Variants in MYO16 observed in about 807,000 individuals in gnomAD.
MYO16 encodes the protein myosin XVI, also known as unconventional myosin-XVI.
A neutral mutation model predicts 205.3 loss-of-function variants in MYO16; 94 were observed. That is an observed-to-expected ratio of 0.46 (90% CI 0.39 to 0.54). The LOEUF (loss-of-function observed/expected upper bound fraction) is 0.54. Among genes scored for constraint, MYO16 ranks in the 20% least tolerant of loss-of-function variants. The pLI is 0.00. For missense variants in MYO16, 2,315 were observed against 2,387.5 expected (o/e 0.97, Z 0.63); for synonymous variants, 988 against 954.0 (o/e 1.04, Z -0.66).
intron 32 of MYO16, among the ~76,000 whole-genome samples, chr13:109,149,859 C>G (rs952913319): frequency 4.6e-5 from 7 of 152,210 alleles, no homozygotes; most frequent in African/African-American, 1.4e-4. Flanking sequence ...TGTCTCCTCA[C>G]TTTCCGTTTC....
intron 4 of MYO16, among the ~76,000 whole-genome samples, chr13:108,728,095 A>T (rs747798333): frequency 2.0e-5 from 3 of 152,196 alleles, no homozygotes; most frequent in Non-Finnish European, 4.4e-5. Flanking sequence ...TGATCCTCAC[A>T]CATACTTTAT....
intron 1 of MYO16, among the ~76,000 whole-genome samples, chr13:108,604,086 C>G (rs992696097): frequency 6.6e-6 from 1 of 152,008 alleles, no homozygotes; most frequent in African/African-American, 2.4e-5. Context: ...GGAGGAAAAG[C>G]CCCTTCTAAA....
chr13:109,106,122 T>A (rs1211473798), intron 28 of MYO16, among the ~76,000 whole-genome samples: 1 of 152,242 alleles, frequency 6.6e-6, no homozygotes, highest in Non-Finnish European at 1.5e-5. Flanking sequence ...CATGACTAAC[T>A]TCTAGTGCTG....
intron 27 of MYO16, among the ~76,000 whole-genome samples, chr13:109,086,089 T>C (rs1021173315): frequency 1.3e-5 from 2 of 152,132 alleles, no homozygotes; most frequent in African/African-American, 2.4e-5. Context: ...AAAATTTATC[T>C]GTGCTGCCCA....
intron 1 of MYO16, among the ~76,000 whole-genome samples, chr13:108,597,649 T>A (rs1319549275): frequency 6.6e-6 from 1 of 152,138 alleles, no homozygotes; most frequent in Non-Finnish European, 1.5e-5. Flanking sequence ...AATTGGTAGT[T>A]CTCCTGCCCT....
At chr13:109,173,670 C>T (rs1241963996) in intron 33 of MYO16, among the ~76,000 whole-genome samples, 2 of 150,992 alleles carry the variant, frequency 1.3e-5, no homozygotes, top group South Asian at 4.2e-4. Flanking sequence ...CTGAGGCAGG[C>T]GGATTACAAG....
At chr13:108,753,242 C>CAT (rs1885301070) in intron 4 of MYO16, among the ~76,000 whole-genome samples, 1 of 151,528 alleles carries the variant, frequency 6.6e-6, no homozygotes, top group African/African-American at 2.4e-5. Flanking sequence ...TGTTGGCGGG[C>CAT]GCCTGTAATC....
At chr13:109,110,387 A>G (rs1233057826) in intron 28 of MYO16, among the ~76,000 whole-genome samples, 1 of 152,228 alleles carries the variant, frequency 6.6e-6, no homozygotes, top group Non-Finnish European at 1.5e-5. Flanking sequence ...CAAAATAGTA[A>G]CTTTTATTCA....
intron 27 of MYO16, among the ~76,000 whole-genome samples, chr13:109,099,987 A>G (rs1403169665): frequency 5.3e-5 from 8 of 152,244 alleles, no homozygotes; most frequent in African/African-American, 1.9e-4. Flanking sequence ...ACAGCCGAAC[A>G]TGAGAATCAT....
chr13:108,962,430 G>A lies in MYO16; in HGVS notation c.2162G>A (p.Gly721Glu). 6.2e-7 allele frequency: 1 copy of A among 1,602,976 alleles called. No homozygotes were observed. Among genetic ancestry groups the A allele is most frequent in the Non-Finnish European group, 8.5e-7 (1 of 1,176,214 alleles). Reference sequence around the variant, plus strand: ...AATGCTGATTTAATTTTAGTGGCTGGAATGTTACAAGTATCAACAGATGAA... The same window carrying A: ...AATGCTGATTTAATTTTAGTGGCTGAAATGTTACAAGTATCAACAGATGAA... ...SDLQLLEQVA[G>E]MLQVSTDELA... Residue 721 changes from glycine (G) to glutamate (E), a missense_variant, in exon 19 of 35, where the codon GGA becomes GAA. Physicochemically the swap from Gly to Glu is moderately conservative, Grantham distance 98. Around this residue, in one of 3 missense-constraint regions of MYO16, gnomAD observed 1,213 missense variants for 1,274.4 expected, o/e 0.95. Transcript: ENST00000457511.
upstream of MYO16, chr13:108,596,043 T>A (rs1878545486): frequency 6.6e-6 from 1 of 151,828 alleles, no homozygotes; most frequent in Non-Finnish European, 1.5e-5. Flanking sequence ...TTTTCTGGAA[T>A]GACTTTTTCT....
At chr13:108,873,085 A>G (rs1408102211) in intron 12 of MYO16, among the ~76,000 whole-genome samples, 1 of 152,200 alleles carries the variant, frequency 6.6e-6, no homozygotes, top group Non-Finnish European at 1.5e-5. Flanking sequence ...CATTAAAACG[A>G]TCTTGTTGTC....
chr13:108,892,624 A>C (rs9301329), intron 14 of MYO16, among the ~76,000 whole-genome samples: 142,566 of 152,264 alleles, frequency 0.94, 66,785 homozygotes, highest in East Asian at 1. Context: ...ATATCCTGAC[A>C]ACTGACACTT....
chr13:109,143,974 G>A (rs1877213743), intron 32 of MYO16, among the ~76,000 whole-genome samples: 1 of 151,260 alleles, frequency 6.6e-6, no homozygotes, highest in Admixed American at 6.6e-5. Flanking sequence ...CTAACTCCCT[G>A]TAGTTAGATT....
At chr13:108,677,345 ATATATATATG>A (rs1222788526) in intron 2 of MYO16, among the ~76,000 whole-genome samples, 3 of 92,224 alleles carry the variant, frequency 3.3e-5, no homozygotes, top group African/African-American at 8.2e-5. Context: ...GTATATATAT[ATATATATATG>A]CATATATATA....
At chr13:108,585,457 A>G in the MYO16 span, among the ~76,000 whole-genome samples, 2 of 152,230 alleles carry the variant, frequency 1.3e-5, no homozygotes, top group Non-Finnish European at 2.9e-5. Flanking sequence ...TTTATTGTGC[A>G]GAGGGAGCTC....
rs530828809 is a variant in MYO16, at chr13:109,162,990, C to T, written c.5165-1911C>T. Among the ~76,000 whole-genome samples, 3 of 152,336 alleles carry T rather than the reference C, an allele frequency of 2.0e-5. No homozygotes were observed. The highest frequency in any genetic ancestry group is 7.2e-5 in the African/African-American group (3 of 41,578). ...ACTTTTGTTGCCATTCTTGTACATG[C>T]TAACTTGACTGAAGGTCTTTGTTTT... is the stretch of plus-strand genomic sequence containing the variant. On this transcript the variant is annotated intron_variant, in intron 32 of 34. Transcript: ENST00000457511. This position sits in a 1 kb window ranked among gnomAD's most constrained non-coding sequence, Gnocchi z 4.6.
chr13:108,605,295 A>G lies in MYO16; in HGVS notation c.-39+9056A>G, dbSNP rs1403005001. ...CCATCTTAGTAATCTATCTTTGTTT[A>G]TCTTACAGGAATACTCATCATCTGA... On this transcript the variant is annotated intron_variant, in intron 1 of 24. Transcript: ENST00000251041. Among the ~76,000 whole-genome samples the G allele has an allele frequency of 4.7e-4, 71 of 152,150 alleles. 1 individual carries two copies. The highest frequency in any genetic ancestry group is 1.9e-4 in the East Asian group (1 of 5,188).
At chr13:108,603,803 A>G (rs1307760998) in intron 1 of MYO16, among the ~76,000 whole-genome samples, 2 of 152,214 alleles carry the variant, frequency 1.3e-5, no homozygotes, top group African/African-American at 4.8e-5. Flanking sequence ...TCAAGCTTTA[A>G]TAGATTACTC....
Sources: gnomAD v4.1 joint callset for allele counts (sites outside exome capture counted in the v4.1 genomes callset) on GRCh38, gnomAD v4.1.1 for gene constraint, gnomAD v4.1.1 regional missense constraint, Gnocchi (gnomAD v3.1) non-coding constraint, MANE v1.5 for transcripts, NCBI Gene and HGNC (gene_info 2026-07-23, HGNC 2026-07-21) for gene names.